The following KCNJ8 variants were observed in gnomAD, a reference collection of about 807,000 sequenced individuals.
KCNJ8 encodes ATP-sensitive inward rectifier potassium channel 8.
A neutral mutation model predicts 28.2 loss-of-function variants in KCNJ8; 13 were observed. That is an observed-to-expected ratio of 0.46 (90% CI 0.30 to 0.73). The LOEUF is 0.73. KCNJ8 is among the 30% of genes least tolerant of loss of function. The pLI is 0.07. For synonymous variants in KCNJ8, 188 were observed against 195.9 expected (o/e 0.96, Z 0.34); for missense variants, 284 against 542.6 (o/e 0.52, Z 4.73).
chr12:21,768,592 C>T (rs1475464382), intron 2 of KCNJ8, among the ~76,000 whole-genome samples: 1 of 152,130 alleles, frequency 6.6e-6, no homozygotes, highest in Non-Finnish European at 1.5e-5. Context: ...AAGTCAAAAG[C>T]CACGATAGGC....
chr12:21,767,390 G>A (rs1320690332), intron 2 of KCNJ8, among the ~76,000 whole-genome samples: 1 of 149,036 alleles, frequency 6.7e-6, no homozygotes, highest in African/African-American at 2.5e-5. Context: ...CAGGAGGTGA[G>A]TAGTGGGTAA....
At chr12:21,768,508 G>C (rs1045799611) in intron 2 of KCNJ8, among the ~76,000 whole-genome samples, 1 of 152,178 alleles carries the variant, frequency 6.6e-6, no homozygotes, top group African/African-American at 2.4e-5. Flanking sequence ...AACACTAAGT[G>C]TTCGAGTAAA....
chr12:21,774,144 G>T (rs1940832159), intron 1 of KCNJ8, among the ~76,000 whole-genome samples: 1 of 152,110 alleles, frequency 6.6e-6, no homozygotes, highest in Admixed American at 6.5e-5. Context: ...GTTATTTTTA[G>T]AAGTAAGCAA....
chr12:21,773,760 G>C lies in KCNJ8; in HGVS notation c.-70-74C>G. The stretch of plus-strand genomic sequence containing the variant: ...CACCTCTTGGGTCCTTGTATTCAAG[G>C]ATATGTCTGTACATGTGCGAGGTGA... On this transcript the variant is annotated intron_variant, in intron 1 of 2. Transcript: ENST00000240662. This position sits in a 1 kb window ranked among gnomAD's most constrained non-coding sequence, Gnocchi z 4.6. 1 of 1,131,802 alleles carries C rather than the reference G, an allele frequency of 8.8e-7. No homozygotes were observed. Among genetic ancestry groups the C allele is most frequent in the Non-Finnish European group, 1.3e-6 (1 of 770,886 alleles). 70.1% of individuals were successfully genotyped at this position (1,131,802 alleles called of 1,614,324 possible). A position where few individuals can be genotyped will look rare whatever the true frequency, so the allele number is the denominator to read the frequency against.
intron 2 of KCNJ8, among the ~76,000 whole-genome samples, chr12:21,768,502 C>G (rs757747809): frequency 6.6e-6 from 1 of 152,144 alleles, no homozygotes; most frequent in Non-Finnish European, 1.5e-5. Context: ...ACAAAGAACA[C>G]TAAGTGTTCG....
At position 21,773,100 on chromosome 12, in the gene KCNJ8, T is replaced by C; in HGVS notation, c.374+143A>G. ...ACTTACTGTGTTAGGTGTTGTTCTT[T>C]ATTGTGCTTTTTTGTTTCTGAAGAT... On this transcript the variant is annotated intron_variant, in intron 2 of 2. Coordinates refer to ENST00000240662, the MANE Select transcript of KCNJ8 (RefSeq NM_004982.4). The surrounding 1 kb of genome is among the most constrained non-coding windows in gnomAD (Gnocchi z 4.6). 2 of 946,024 alleles carry C rather than the reference T, an allele frequency of 2.1e-6. No homozygotes were observed. The highest frequency in any genetic ancestry group is 2.8e-5 in the South Asian group (2 of 70,532). The allele number at this position is 946,024 out of a possible 1,614,324, so 58.6% of individuals were successfully genotyped here. A position where few individuals can be genotyped will look rare whatever the true frequency, so the allele number is the denominator to read the frequency against.
chr12:21,767,325 C>T (rs866262539), intron 2 of KCNJ8, among the ~76,000 whole-genome samples: 5,960 of 137,124 alleles, frequency 0.043, 661 homozygotes, highest in African/African-American at 0.16. Flanking sequence ...CCCCCCCCAC[C>T]TCCAGGCCAG....
intron 2 of KCNJ8, among the ~76,000 whole-genome samples, chr12:21,769,656 C>A (rs1460345756): frequency 6.6e-6 from 1 of 152,044 alleles, no homozygotes; most frequent in Non-Finnish European, 1.5e-5. Flanking sequence ...TTGTGATTCA[C>A]GGGAGGAGGT....
chr12:21,773,153 C>G lies in KCNJ8; in HGVS notation c.374+90G>C. The G allele has an allele frequency of 7.0e-7, 1 of 1,433,680 alleles. No individual in the cohort carries two copies. The highest frequency in any genetic ancestry group is 9.7e-7 in the Non-Finnish European group (1 of 1,029,506). The allele number at this position is 1,433,680 out of a possible 1,614,324, so 88.8% of individuals were successfully genotyped here. Reference sequence around the variant, plus strand: ...TAAAACAAACCCTTTATTTCACTTTCAATTAAATAACAGAATGATAAGAGA... The same window carrying G: ...TAAAACAAACCCTTTATTTCACTTTGAATTAAATAACAGAATGATAAGAGA... On this transcript the variant is annotated intron_variant, in intron 2 of 2. Transcript: ENST00000240662. This position sits in a 1 kb window ranked among gnomAD's most constrained non-coding sequence, Gnocchi z 4.6.
At chr12:21,770,818 AACTTTATAGAAG>A (rs978812683) in intron 2 of KCNJ8, among the ~76,000 whole-genome samples, 1 of 152,216 alleles carries the variant, frequency 6.6e-6, no homozygotes, top group Non-Finnish European at 1.5e-5. Context: ...AAACTTCTCT[AACTTTATAGAAG>A]ACAAGCCTAC....
Position 21,765,714 on chromosome 12 carries a change from A to T in KCNJ8, c.*9T>A. ...CTTGATAAAAGACTGTCTTGGGGTT[A>T]TCTTGCTGTCATGATTCCGATGTGT... On this transcript the variant is annotated 3_prime_UTR_variant, in exon 3 of 3. Transcript: ENST00000240662. 6.2e-7 allele frequency: 1 copy of T among 1,613,356 alleles called. No individual in the cohort carries two copies. Among genetic ancestry groups the T allele is most frequent in the South Asian group, 1.1e-5 (1 of 91,054 alleles).
rs1218512836 is a variant in KCNJ8 at position 21,765,431 on chromosome 12, A to G, written c.*292T>C. The G allele has an allele frequency of 4.4e-6, 2 of 449,946 alleles. No homozygotes were observed. The highest frequency in any genetic ancestry group is 3.5e-5 in the Admixed American group (1 of 28,518). 27.9% of individuals were successfully genotyped at this position (449,946 alleles called of 1,614,324 possible). The stretch of plus-strand genomic sequence containing the variant: ...TTTGTGCTCAAGGCCTGTTACTATT[A>G]GTGTAATTCTTGTGTTTCAAATTGA... On this transcript the variant is annotated 3_prime_UTR_variant, in exon 3 of 3. Transcript: ENST00000240662.
intron 2 of KCNJ8, among the ~76,000 whole-genome samples, chr12:21,769,908 T>C (rs149450187): frequency 0.017 from 2,552 of 152,292 alleles, 66 homozygotes; most frequent in African/African-American, 0.058. Context: ...TGAGATGGAA[T>C]CTACTCTTGG....
rs1227890454 is a variant in KCNJ8, at chr12:21,765,521, A to G, written c.*202T>C. On this transcript the variant is annotated 3_prime_UTR_variant, in exon 3 of 3. Transcript: ENST00000240662. ...TATCACTGCGAATTCTACATGTATG[A>G]AACAAGCATAAGCCATGAATCCTCC... is the stretch of plus-strand genomic sequence containing the variant. The G allele has an allele frequency of 9.7e-6, 6 of 615,766 alleles. No individual in the cohort carries two copies. Among genetic ancestry groups the G allele is most frequent in the Non-Finnish European group, 1.7e-5 (6 of 346,048 alleles). The allele number at this position is 615,766 out of a possible 1,614,324, so 38.1% of individuals were successfully genotyped here.
In KCNJ8 at chr12:21,765,610, T is replaced by G. The variant is rs1940598592; in HGVS notation, c.*113A>C. 1.1e-6 allele frequency: 1 copy of G among 897,876 alleles called. No individual in the cohort carries two copies. The allele number at this position is 897,876 out of a possible 1,614,324, so 55.6% of individuals were successfully genotyped here. On this transcript the variant is annotated 3_prime_UTR_variant, in exon 3 of 3. Transcript: ENST00000240662. ...TTGCTTGAATATGAATATCATTTAG[T>G]GTAATAAAATGTAGAAGGACACATT...
intron 2 of KCNJ8, among the ~76,000 whole-genome samples, chr12:21,769,985 T>C (rs1940720130): frequency 1.3e-5 from 2 of 152,224 alleles, no homozygotes; most frequent in African/African-American, 4.8e-5. Context: ...ATTTAGTTGA[T>C]AAAGCAGTGG....
chr12:21,766,888 T>C lies in KCNJ8; in HGVS notation c.375-265A>G, dbSNP rs1010207028. Reference sequence around the variant, plus strand: ...AGCTAAGGCCTAATTCTATTAACATTCTATTAATGTTTCATAGGTCACATA... The same window carrying C: ...AGCTAAGGCCTAATTCTATTAACATCCTATTAATGTTTCATAGGTCACATA... On this transcript the variant is annotated intron_variant, in intron 2 of 2. Transcript: ENST00000240662. The surrounding 1 kb of genome is among the most constrained non-coding windows in gnomAD (Gnocchi z 6.5). Among the ~76,000 whole-genome samples the C allele has an allele frequency of 6.6e-6, 1 of 152,234 alleles. No individual in the cohort carries two copies. Among genetic ancestry groups the C allele is most frequent in the Admixed American group, 6.5e-5 (1 of 15,292 alleles).
chr12:21,771,269 A>G (rs567708654), intron 2 of KCNJ8, among the ~76,000 whole-genome samples: 2 of 152,314 alleles, frequency 1.3e-5, no homozygotes, highest in Admixed American at 1.3e-4. Context: ...CACATTTTGT[A>G]TATTGTTTAT....
intron 2 of KCNJ8, among the ~76,000 whole-genome samples, chr12:21,768,465 A>G (rs1337504280): frequency 6.6e-6 from 1 of 152,188 alleles, no homozygotes; most frequent in Non-Finnish European, 1.5e-5. Flanking sequence ...ACACAGCACT[A>G]TTGAAATTAG....
Sources: gnomAD v4.1 joint callset for allele counts (sites outside exome capture counted in the v4.1 genomes callset) on GRCh38, gnomAD v4.1.1 for gene constraint, Gnocchi (gnomAD v3.1) non-coding constraint, MANE v1.5 for transcripts, NCBI Gene and HGNC (gene_info 2026-07-23, HGNC 2026-07-21) for gene names.